UTRN: variants seen among roughly 807,000 people sequenced by gnomAD.
UTRN encodes the protein utrophin, also known as dystrophin-related protein 1.
In UTRN, 283 loss-of-function variants were observed where a neutral mutation model predicts 463.9. The ratio of observed to expected loss-of-function variants is 0.61; its 90% CI spans 0.55 to 0.67. UTRN has a LOEUF of 0.67. Ranked by LOEUF, UTRN falls within the 30% of genes least tolerant of loss-of-function variation. The pLI, the probability that UTRN is intolerant of heterozygous loss-of-function variation, is 0.00. For synonymous variants in UTRN, 1,442 were observed against 1,431.5 expected, an observed-to-expected ratio of 1.01 and a Z score of -0.17; for missense variants, 3,922 against 4,084.3, an observed-to-expected ratio of 0.96 and a Z score of 1.08.
chr6:144,332,805 G>A (rs995058298), intron 2 of UTRN, among the ~76,000 whole-genome samples: 1 of 151,782 alleles, frequency 6.6e-6, no homozygotes, highest in African/African-American at 2.4e-5. Context: ...TCTTATCTGT[G>A]CTTTGAACAC....
intron 52 of UTRN, among the ~76,000 whole-genome samples, chr6:144,684,494 C>G (rs1263804747): frequency 5.3e-5 from 8 of 152,116 alleles, no homozygotes; most frequent in Non-Finnish European, 8.8e-5. Context: ...TCCCGTAGAC[C>G]TTGTCACACT....
intron 56 of UTRN, among the ~76,000 whole-genome samples, chr6:144,753,612 C>T (rs1791632883): frequency 6.6e-6 from 1 of 151,462 alleles, no homozygotes; most frequent in Non-Finnish European, 1.5e-5. Context: ...GAGTGAGACC[C>T]TGTCTTTAAA....
chr6:144,506,509 T>G (rs1297664846), intron 34 of UTRN, among the ~76,000 whole-genome samples: 2 of 152,244 alleles, frequency 1.3e-5, no homozygotes, highest in African/African-American at 2.4e-5. Flanking sequence ...TTATTTCTCC[T>G]TCGCTTATGA....
Position 144,488,844 on chromosome 6 carries a change from T to G in UTRN, c.4134+10T>G. 6.3e-7 allele frequency: 1 copy of G among 1,581,722 alleles called. No individual in the cohort carries two copies. Among genetic ancestry groups the G allele is most frequent in the Non-Finnish European group, 8.6e-7 (1 of 1,160,556 alleles). On this transcript the variant is annotated intron_variant, in intron 30 of 74. Coordinates refer to ENST00000367545, the MANE Select transcript of UTRN (RefSeq NM_007124.3). ...TCCACAGGAAGCTCAGGTATTGCCG[T>G]GCATTTGAGGGCTTTTGAGCTGTAA...
At chr6:144,436,863 AT>A (rs1369367925) in intron 10 of UTRN, among the ~76,000 whole-genome samples, 2 of 143,320 alleles carry the variant, frequency 1.4e-5, no homozygotes, top group African/African-American at 2.5e-5. Context: ...ATATAAATAA[AT>A]ATATATAAAT....
intron 2 of UTRN, among the ~76,000 whole-genome samples, chr6:144,375,869 A>G (rs994738516): frequency 2.6e-5 from 4 of 152,200 alleles, no homozygotes; most frequent in African/African-American, 9.7e-5. Context: ...TCTAGTGCAC[A>G]GCCTGGTCTC....
At chr6:144,347,272 G>A (rs145645707) in intron 2 of UTRN, among the ~76,000 whole-genome samples, 45 of 152,340 alleles carry the variant, frequency 3.0e-4, no homozygotes, top group Middle Eastern at 6.8e-3. Context: ...GTCAGAGATC[G>A]TGACTTGATT....
chr6:144,567,754 T>C (rs1389508213), intron 50 of UTRN, among the ~76,000 whole-genome samples: 1 of 152,190 alleles, frequency 6.6e-6, no homozygotes, highest in Non-Finnish European at 1.5e-5. Flanking sequence ...TATTTAAATA[T>C]TATATTAATG....
intron 51 of UTRN, among the ~76,000 whole-genome samples, chr6:144,612,728 A>T (rs1805654266): frequency 6.6e-6 from 1 of 152,142 alleles, no homozygotes; most frequent in Admixed American, 6.5e-5. Flanking sequence ...TACAGAGAAA[A>T]GGAAAAGAAC....
At chr6:144,642,581 T>A (rs1168171912) in intron 51 of UTRN, among the ~76,000 whole-genome samples, 4 of 152,194 alleles carry the variant, frequency 2.6e-5, no homozygotes, top group Non-Finnish European at 5.9e-5. Flanking sequence ...CACAAATCTG[T>A]CCACCTCCTC....
chr6:144,711,172 G>C (rs2128703638), intron 53 of UTRN, among the ~76,000 whole-genome samples: 1 of 152,078 alleles, frequency 6.6e-6, no homozygotes, highest in South Asian at 2.1e-4. Context: ...ATAAAAATTA[G>C]GTGTGGTGGC....
chr6:144,696,105 C>T (rs1783977121), intron 52 of UTRN, among the ~76,000 whole-genome samples: 1 of 152,120 alleles, frequency 6.6e-6, no homozygotes, highest in Non-Finnish European at 1.5e-5. Context: ...CCTTTAACAT[C>T]ATCATTTAAA....
intron 2 of UTRN, among the ~76,000 whole-genome samples, chr6:144,392,696 A>G (rs1327199940): frequency 6.6e-6 from 1 of 152,176 alleles, no homozygotes; most frequent in African/African-American, 2.4e-5. Flanking sequence ...GTGAGCCTCT[A>G]GTGTGGTTTG....
At chr6:144,340,060 G>C (rs80085576) in intron 2 of UTRN, among the ~76,000 whole-genome samples, 4,420 of 152,252 alleles carry the variant, frequency 0.029, 191 homozygotes, top group African/African-American at 0.099. Flanking sequence ...CCAGCTACTC[G>C]GGAGGCTGTG....
chr6:144,600,830 G>A (rs562439402), intron 51 of UTRN, among the ~76,000 whole-genome samples: 1 of 152,326 alleles, frequency 6.6e-6, no homozygotes, highest in East Asian at 1.9e-4. Context: ...GAGAGGAGAA[G>A]TCAGTGCTTA....
At chr6:144,428,465 G>A (rs73598970) in intron 7 of UTRN, among the ~76,000 whole-genome samples, 6,733 of 146,898 alleles carry the variant, frequency 0.046, 499 homozygotes, top group African/African-American at 0.15. Flanking sequence ...TGTATCGGTA[G>A]GTTTCCCTTT....
At chr6:144,358,416 C>T (rs1232368410) in intron 2 of UTRN, among the ~76,000 whole-genome samples, 1 of 152,064 alleles carries the variant, frequency 6.6e-6, no homozygotes, top group Non-Finnish European at 1.5e-5. Flanking sequence ...TGCCTATTTG[C>T]TATAGGTGAT....
intron 3 of UTRN, among the ~76,000 whole-genome samples, chr6:144,409,974 A>G (rs183972187): frequency 2.6e-4 from 40 of 152,322 alleles, no homozygotes; most frequent in Admixed American, 2.4e-3. Context: ...AGAAAGAACA[A>G]TGAACACTTG....
chr6:144,338,792 T>C (rs191350343), intron 2 of UTRN, among the ~76,000 whole-genome samples: 76 of 152,278 alleles, frequency 5.0e-4, no homozygotes, highest in Non-Finnish European at 4.7e-4. Flanking sequence ...TCATCCTTCA[T>C]CTGTAGCTAC....
Sources: allele counts gnomAD v4.1 joint callset (sites outside exome capture counted in the v4.1 genomes callset), GRCh38; gene constraint gnomAD v4.1.1; transcripts MANE v1.5; gene names NCBI Gene and HGNC (gene_info 2026-07-23, HGNC 2026-07-21).